TSEN2: variants seen among roughly 807,000 people sequenced by gnomAD.
TSEN2 encodes the protein tRNA splicing endonuclease subunit 2.
Under a neutral mutation model 59.2 loss-of-function variants are expected in TSEN2, and 54 were observed. The ratio of observed to expected loss-of-function variants is 0.91; its 90% confidence interval spans 0.73 to 1.14. The LOEUF is 1.14. TSEN2 is among the 50% of genes most tolerant of loss of function. TSEN2 has a pLI of 0.00. For missense variants in TSEN2, 636 were observed against 576.2 expected, an observed-to-expected ratio of 1.10 and a Z score of -1.06; for synonymous variants, 195 against 198.2, an observed-to-expected ratio of 0.98 and a Z score of 0.14.
downstream of TSEN2, among the ~76,000 whole-genome samples, chr3:12,536,875 C>T (rs1048175298): frequency 6.6e-6 from 1 of 151,940 alleles, no homozygotes; most frequent in African/African-American, 2.4e-5. Flanking sequence ...TGGTGGCAGG[C>T]ACCTGTAATC....
Position 12,531,659 on chromosome 3 carries a change from G to A in TSEN2, c.1338G>A (p.Gln446=), listed in dbSNP as rs1205561046. 6.3e-7 allele frequency: 1 copy of A among 1,596,612 alleles called. No homozygotes were observed. The highest frequency in any genetic ancestry group is 1.3e-5 in the African/African-American group (1 of 74,636). Reference sequence around the variant, plus strand: ...AATGTATGAAAAGGATTAAAGTTCAGGTGGGTAAACTCAGAGAAATTCATG... The same window carrying A: ...AATGTATGAAAAGGATTAAAGTTCAAGTGGGTAAACTCAGAGAAATTCATG... ...SPECMKRIKV[Q]EVILSRWVSS... The change falls in exon 11 of 12, where the codon CAG becomes CAA. Residue 446 remains glutamine, a splice_region_variant and synonymous_variant. Transcript: ENST00000284995.
chr3:12,489,637 C>T (rs2053005130), intron 1 of TSEN2, 147 bp from the exon 2 acceptor site: 1 of 678,844 alleles, frequency 1.5e-6, no homozygotes, highest in Admixed American at 2.4e-5. Flanking sequence ...ACTGTTCTTA[C>T]TGCTTTTAGT....
In TSEN2 at chr3:12,492,050, A is replaced by C. The variant is rs901317138; in HGVS notation, c.190-86A>C. 6.9e-6 allele frequency: 8 copies of C among 1,158,336 alleles called. No individual in the cohort carries two copies. In the South Asian group the frequency reaches 8.7e-5, roughly 13 times the overall value. 71.8% of individuals were successfully genotyped at this position (1,158,336 alleles called of 1,614,324 possible). A position where few individuals can be genotyped will look rare whatever the true frequency, so the allele number is the denominator to read the frequency against. The stretch of plus-strand genomic sequence containing the variant: ...AGGTCCTGGAACCAGCCCCCTGTGG[A>C]TACTGAGGGATTACTGTATATTCTA... On this transcript the variant is annotated intron_variant, in intron 2 of 11. Transcript: ENST00000284995.
At chr3:12,511,429 A>G (rs137938087) in intron 6 of TSEN2, among the ~76,000 whole-genome samples, 3 of 152,340 alleles carry the variant, frequency 2.0e-5, no homozygotes, top group East Asian at 3.9e-4. Flanking sequence ...TGAAGAAAAG[A>G]TTCATGGTGT....
At chr3:12,530,663 A>T in intron 10 of TSEN2, 2 of 985,392 alleles carry the variant, frequency 2.0e-6, no homozygotes, top group Middle Eastern at 5.2e-4. Context: ...AGAGCAGGTT[A>T]GGTTGCCTAG....
Position 12,504,230 on chromosome 3 carries a change from G to C in TSEN2, c.831+446G>C, listed in dbSNP as rs138254730. ...ACAATCTAATTGCTAAATGGGATATGAGATACCCATTCAAAGAAATATCAT... is the reference window on the plus strand; with the variant it reads ...ACAATCTAATTGCTAAATGGGATATCAGATACCCATTCAAAGAAATATCAT... On this transcript the variant is annotated intron_variant, in intron 5 of 11. Coordinates refer to ENST00000284995, the MANE Select transcript of TSEN2 (RefSeq NM_025265.4). 1.9e-3 allele frequency among the ~76,000 whole-genome samples: 284 copies of C among 152,266 alleles called. 1 individual carries two copies. The highest frequency in any genetic ancestry group is 6.1e-3 in the Admixed American group (93 of 15,290).
upstream of TSEN2, among the ~76,000 whole-genome samples, chr3:12,480,795 G>A (rs2052184183): frequency 6.6e-6 from 1 of 152,032 alleles, no homozygotes; most frequent in Admixed American, 6.6e-5. Flanking sequence ...CGGCCTCCCA[G>A]AGTTCTGGGA....
chr3:12,497,791 T>C (rs1441941857), intron 4 of TSEN2, among the ~76,000 whole-genome samples: 1 of 152,212 alleles, frequency 6.6e-6, no homozygotes, highest in Non-Finnish European at 1.5e-5. Context: ...ATTCATTTCC[T>C]AGGGCTGCCA....
At chr3:12,482,157 TG>T (rs2052200812), upstream of TSEN2, among the ~76,000 whole-genome samples, 1 of 152,174 alleles carries the variant, frequency 6.6e-6, no homozygotes, top group South Asian at 2.1e-4. Context: ...TTTTTACTCT[TG>T]TTGCCTAGGC....
chr3:12,492,400 G>A (rs1163246791), intron 3 of TSEN2, among the ~76,000 whole-genome samples, 183 bp downstream of exon 3: 2 of 152,208 alleles, frequency 1.3e-5, no homozygotes, highest in Non-Finnish European at 2.9e-5. Context: ...GTGACAGTGT[G>A]TTTAATTTCT....
intron 2 of TSEN2, among the ~76,000 whole-genome samples, chr3:12,491,899 C>T (rs954032450): frequency 6.6e-6 from 1 of 152,110 alleles, no homozygotes; most frequent in African/African-American, 2.4e-5. Context: ...ATTTGCATTG[C>T]ATTAGGTATT....
chr3:12,490,408 C>T (rs2053097801), intron 2 of TSEN2, among the ~76,000 whole-genome samples: 1 of 152,242 alleles, frequency 6.6e-6, no homozygotes, highest in Admixed American at 6.5e-5. Context: ...TACTCAGGCA[C>T]GGATCAGATG....
Position 12,531,573 on chromosome 3 carries a change from C to T in TSEN2, c.1252C>T (p.Leu418Phe). 6.2e-7 allele frequency: 1 copy of T among 1,605,126 alleles called. No homozygotes were observed. ...GTGGTTTTTCATTTCTCAATAGGAA[C>T]TTATGCTGTGCTATTTGATTAAACC... ...SRVSVNVSKELMLCYLIKPST... is the reference protein window; with the variant it reads ...SRVSVNVSKEFMLCYLIKPST... The change falls in exon 11 of 12, where the codon CTT (leucine) becomes TTT (phenylalanine). Residue 418 changes from leucine (L) to phenylalanine (F), a missense_variant. By Grantham distance (22) the Leu-to-Phe change is conservative (BLOSUM62 0). Transcript: ENST00000284995.
chr3:12,523,526 C>CT (rs546904336), intron 8 of TSEN2, among the ~76,000 whole-genome samples: 2,051 of 46,426 alleles, frequency 0.044, 296 homozygotes, highest in Non-Finnish European at 0.065. Context: ...CTCTTTGATT[C>CT]TTTTTTTTTT....
intron 4 of TSEN2, among the ~76,000 whole-genome samples, chr3:12,500,691 T>C (rs1312422335): frequency 6.6e-6 from 1 of 152,256 alleles, no homozygotes; most frequent in East Asian, 1.9e-4. Context: ...TCTTATGGGC[T>C]ATGCACTTTA....
intron 8 of TSEN2, among the ~76,000 whole-genome samples, chr3:12,524,719 T>C (rs570772368): frequency 6.6e-6 from 1 of 151,030 alleles, no homozygotes; most frequent in East Asian, 1.9e-4. Flanking sequence ...CCATTAAACC[T>C]ACTGCAATCT....
At chr3:12,499,579 C>A (rs1025976294) in intron 4 of TSEN2, among the ~76,000 whole-genome samples, 1 of 152,188 alleles carries the variant, frequency 6.6e-6, no homozygotes, top group Non-Finnish European at 1.5e-5. Context: ...AGGGTAGGTA[C>A]TAGAGATGTT....
At position 12,507,335 on chromosome 3, in the gene TSEN2, C is replaced by T. The variant is rs555584386; in HGVS notation, c.909+2104C>T. Among the ~76,000 whole-genome samples, 33 of 152,306 alleles carry T rather than the reference C, an allele frequency of 2.2e-4. No individual in the cohort carries two copies. The South Asian group carries it at 6.6e-3, about 31-fold the overall frequency. On this transcript the variant is annotated intron_variant, in intron 6 of 11. Coordinates refer to ENST00000284995, the MANE Select transcript of TSEN2 (RefSeq NM_025265.4). ...CGTAGGCATTCCCAGCACTGTGGAG[C>T]GCTTTATAGCCCACATGTACCCGTT...
At chr3:12,518,922 A>AT in intron 7 of TSEN2, 137 bp from the exon 8 acceptor site, 1 of 839,758 alleles carries the variant, frequency 1.2e-6, no homozygotes, top group South Asian at 1.5e-5. Flanking sequence ...AATAAAATAA[A>AT]TAAATTGCTC....
Sources: allele counts gnomAD v4.1 joint callset (sites outside exome capture counted in the v4.1 genomes callset), GRCh38; gene constraint gnomAD v4.1.1; transcripts MANE v1.5; gene names NCBI Gene and HGNC (gene_info 2026-07-23, HGNC 2026-07-21).